Variants in PAK1IP1 observed in about 807,000 individuals in gnomAD.
The protein encoded by PAK1IP1 is p21-activated protein kinase-interacting protein 1.
In PAK1IP1, 24 loss-of-function variants were observed where a neutral mutation model predicts 42.0. That is an observed-to-expected ratio of 0.57 (90% CI 0.41 to 0.80). PAK1IP1 has a LOEUF of 0.80. Among genes scored for constraint, PAK1IP1 ranks in the 30% least tolerant of loss-of-function variants. PAK1IP1 has a pLI of 0.00. For missense variants in PAK1IP1, 411 were observed against 467.9 expected (o/e 0.88, Z 1.12); for synonymous variants, 154 against 156.7 (o/e 0.98, Z 0.13).
chr6:10,693,845 C>T (rs1252728459), upstream of PAK1IP1, among the ~76,000 whole-genome samples: 1 of 152,226 alleles, frequency 6.6e-6, no homozygotes, highest in African/African-American at 2.4e-5. Flanking sequence ...CCTCCCACCT[C>T]AGCCTTCCGA....
chr6:10,709,548 T>G lies in PAK1IP1; in HGVS notation c.*96T>G. 2.9e-6 allele frequency: 2 copies of G among 699,142 alleles called. No homozygotes were observed. Among genetic ancestry groups the G allele is most frequent in the Non-Finnish European group, 4.2e-6 (2 of 475,650 alleles). The allele number at this position is 699,142 out of a possible 1,614,324, so 43.3% of individuals were successfully genotyped here. A position where few individuals can be genotyped will look rare whatever the true frequency, so the allele number is the denominator to read the frequency against. ...TTTTCCCTGAGTAAAAGCAAGAAAT[T>G]TCTTCCTTTGGAAAAAATATATATA... On this transcript the variant is annotated 3_prime_UTR_variant, in exon 10 of 10. Coordinates refer to ENST00000379568, the MANE Select transcript of PAK1IP1 (RefSeq NM_017906.3).
At chr6:10,706,215 A>G (rs779182499) in intron 7 of PAK1IP1, among the ~76,000 whole-genome samples, 1 of 152,080 alleles carries the variant, frequency 6.6e-6, no homozygotes, top group Non-Finnish European at 1.5e-5. Flanking sequence ...GACCTTAAGA[A>G]TGAAAAAGGA....
intron 6 of PAK1IP1, 35 bp downstream of exon 6, chr6:10,704,687 G>T (rs371108720): frequency 5.0e-6 from 8 of 1,606,232 alleles, no homozygotes; most frequent in Non-Finnish European, 6.0e-6. Flanking sequence ...AAAGTTTGTG[G>T]TGATGGTTGG....
chr6:10,697,890 CAAAA>C (rs766236291), intron 2 of PAK1IP1, among the ~76,000 whole-genome samples: 1 of 88,480 alleles, frequency 1.1e-5, no homozygotes, highest in Non-Finnish European at 2.5e-5. Context: ...GACTCTGTCT[CAAAA>C]AAAAAAAAAA....
rs1338913716 is a variant in PAK1IP1 at position 10,703,445 on chromosome 6, A to T, written c.484A>T (p.Asn162Tyr). Reference protein sequence around the residue: ...LVEGRSAFIKNIKQNAHIVEW... With the variant: ...LVEGRSAFIKYIKQNAHIVEW... ...AGAAGGAAGATCAGCATTCATAAAA[A>T]ATATAAAACAAAGTGAGTATTTTTG... The change falls in exon 5 of 10, where the codon AAT becomes TAT. Residue 162 changes from asparagine to tyrosine, a missense_variant. Physicochemically the swap from Asn to Tyr is moderately radical, Grantham distance 143. Coordinates refer to ENST00000379568, the MANE Select transcript of PAK1IP1 (RefSeq NM_017906.3). 6.2e-7 allele frequency: 1 copy of T among 1,607,874 alleles called. No homozygotes were observed. Among genetic ancestry groups the T allele is most frequent in the Non-Finnish European group, 8.5e-7 (1 of 1,175,388 alleles).
At chr6:10,698,934 C>T (rs1412113886) in intron 2 of PAK1IP1, among the ~76,000 whole-genome samples, 1 of 152,048 alleles carries the variant, frequency 6.6e-6, no homozygotes, top group East Asian at 1.9e-4. Flanking sequence ...GGCGCGGTGG[C>T]TCGCGCCTGT....
chr6:10,692,688 G>A (rs1208924955), upstream of PAK1IP1, among the ~76,000 whole-genome samples: 1 of 152,118 alleles, frequency 6.6e-6, no homozygotes, highest in African/African-American at 2.4e-5. Context: ...AAAGTGCTGG[G>A]ATTACAGGCA....
chr6:10,704,964 C>A, intron 7 of PAK1IP1, 120 bp downstream of exon 7: 1 of 699,736 alleles, frequency 1.4e-6, no homozygotes, highest in Non-Finnish European at 2.6e-6. Flanking sequence ...GACATATCTA[C>A]ATGTACAGTA....
chr6:10,693,305 C>G (rs1769521269), upstream of PAK1IP1, among the ~76,000 whole-genome samples: 1 of 152,164 alleles, frequency 6.6e-6, no homozygotes, highest in African/African-American at 2.4e-5. Flanking sequence ...AATTGAGCAC[C>G]CTTTCTGCAT....
chr6:10,708,041 C>CTTT (rs34074813), intron 8 of PAK1IP1, among the ~76,000 whole-genome samples: 3 of 92,296 alleles, frequency 3.3e-5, no homozygotes, highest in Admixed American at 1.1e-4. Flanking sequence ...TTAGAATTTT[C>CTTT]TTTTTTTTTT....
intron 1 of PAK1IP1, among the ~76,000 whole-genome samples, chr6:10,695,819 G>T (rs1289620579): frequency 4.6e-5 from 7 of 152,140 alleles, no homozygotes; most frequent in Admixed American, 4.6e-4. Flanking sequence ...AAGTCAAGGC[G>T]TCGGTCTTTA....
intron 2 of PAK1IP1, among the ~76,000 whole-genome samples, chr6:10,700,247 C>T (rs1581581833): frequency 1.3e-5 from 2 of 151,956 alleles, no homozygotes; most frequent in South Asian, 2.1e-4. Context: ...TTAGTAGAGA[C>T]GGGTCTAACC....
In PAK1IP1 at chr6:10,704,836, T is replaced by C. The variant is rs1313560248; in HGVS notation, c.732T>C (p.His244=). ...TGTGCCTCTGCGAATTTAAAGCTCATGAAAACAGGTATTTTTACCAATCTT... is the reference window on the plus strand; with the variant it reads ...TGTGCCTCTGCGAATTTAAAGCTCACGAAAACAGGTATTTTTACCAATCTT... ...SLVCLCEFKA[H]ENRVKDMFSF... The change falls in exon 7 of 10, where the codon CAT becomes CAC. Residue 244 remains histidine, a synonymous_variant. Transcript: ENST00000379568. 1.9e-6 allele frequency: 3 copies of C among 1,599,516 alleles called. No homozygotes were observed. The highest frequency in any genetic ancestry group is 4.5e-5 in the East Asian group (2 of 44,784).
chr6:10,700,807 TTTTTTTC>T (rs1770004409), intron 2 of PAK1IP1, among the ~76,000 whole-genome samples: 1 of 152,164 alleles, frequency 6.6e-6, no homozygotes. Context: ...GTATAAATCC[TTTTTTTC>T]TTTTTTCTTT....
At position 10,708,987 on chromosome 6, in the gene PAK1IP1, C is replaced by T. The variant is rs947557583; in HGVS notation, c.875C>T (p.Thr292Ile). 9.3e-6 allele frequency: 15 copies of T among 1,611,912 alleles called. No individual in the cohort carries two copies. The highest frequency in any genetic ancestry group is 1.3e-5 in the Non-Finnish European group (15 of 1,178,094). ...CCATCTTTACTCTGTGAAATAAACA[C>T]TAATGCCAGGCTGACGTGTCTTGGA... ...VPPSLLCEIN[T>I]NARLTCLGVW... Residue 292 changes from threonine to isoleucine, a missense_variant, in exon 9 of 10, where the codon ACT becomes ATT. Physicochemically the swap from Thr to Ile is moderately conservative, Grantham distance 89 (BLOSUM62 -1). Transcript: ENST00000379568.
Position 10,702,305 on chromosome 6 carries a change from A to T in PAK1IP1, c.248-64A>T. ...TTTTACTTAGCATAGCATAGCCTTCAAATCAGAAATGGAGTTTGCATTTAA... is the reference window on the plus strand; with the variant it reads ...TTTTACTTAGCATAGCATAGCCTTCTAATCAGAAATGGAGTTTGCATTTAA... On this transcript the variant is annotated intron_variant, in intron 2 of 9. Transcript: ENST00000379568. 3 of 1,399,168 alleles carry T rather than the reference A, an allele frequency of 2.1e-6. No individual in the cohort carries two copies. The South Asian group carries it at 3.5e-5, about 16-fold the overall frequency. The allele number at this position is 1,399,168 out of a possible 1,614,324, so 86.7% of individuals were successfully genotyped here.
chr6:10,703,097 G>A (rs770065632), intron 4 of PAK1IP1, among the ~76,000 whole-genome samples: 3 of 152,092 alleles, frequency 2.0e-5, no homozygotes, highest in South Asian at 2.1e-4. Flanking sequence ...GAGCCACCAC[G>A]CCCAGCCAAC....
intron 1 of PAK1IP1, 120 bp from the exon 2 acceptor site, chr6:10,697,204 G>T (rs1769885213): frequency 1.3e-6 from 1 of 789,360 alleles, no homozygotes; most frequent in Non-Finnish European, 2.0e-6. Context: ...ATGAATCGTG[G>T]AATGATTTAT....
At position 10,704,761 on chromosome 6, in the gene PAK1IP1, A is replaced by C; in HGVS notation, c.657A>C (p.Ala219=). ...SVKFLSESVL[A]VAGDEEVIRF... ...CTCTCTCCTAGGAGTCTGTCCTTGC[A>C]GTGGCTGGAGATGAAGAAGTTATAA... is the stretch of plus-strand genomic sequence containing the variant. The change falls in exon 7 of 10, where the codon GCA becomes GCC. Residue 219 remains alanine, a synonymous_variant. Transcript: ENST00000379568. The C allele has an allele frequency of 1.2e-6, 2 of 1,612,810 alleles. No individual in the cohort carries two copies. Among genetic ancestry groups the C allele is most frequent in the Admixed American group, 3.3e-5 (2 of 60,014 alleles).
Sources: allele counts gnomAD v4.1 joint callset (sites outside exome capture counted in the v4.1 genomes callset), GRCh38; gene constraint gnomAD v4.1.1; transcripts MANE v1.5; gene names NCBI Gene and HGNC (gene_info 2026-07-23, HGNC 2026-07-21).